The following APOD variants were observed in gnomAD, a reference collection of about 807,000 sequenced individuals.
The protein encoded by APOD is apo-D.
In APOD, 22 loss-of-function variants were observed where a neutral mutation model predicts 20.4. The observed-to-expected ratio is 1.08, with a 90% CI of 0.77 to 1.54. The LOEUF (loss-of-function observed/expected upper bound fraction) is 1.54. Among genes scored for constraint, APOD ranks in the 40% most tolerant of loss-of-function variants. APOD has a pLI of 0.00. For synonymous variants in APOD, 97 were observed against 92.4 expected (o/e 1.05, Z -0.29); for missense variants, 223 against 229.6 (o/e 0.97, Z 0.19).
At chr3:195,575,509 A>T (rs1414923604) in intron 2 of APOD, among the ~76,000 whole-genome samples, 1 of 152,206 alleles carries the variant, frequency 6.6e-6, no homozygotes, top group Non-Finnish European at 1.5e-5. Context: ...GGTTTTTACT[A>T]GTTGCTACTG....
Position 195,582,209 on chromosome 3 carries a change from A to T in APOD, c.-35+1669T>A, listed in dbSNP as rs73196175. Among the ~76,000 whole-genome samples, 825 of 152,182 alleles carry T rather than the reference A, an allele frequency of 5.4e-3. 6 individuals are homozygous for T. The highest frequency in any genetic ancestry group is 7.1e-3 in the Non-Finnish European group (482 of 68,002). ...AACTCCGTCTCAAAACAAGCAAACA[A>T]ACAACAACAACAAAAAAACTCCTTG... On this transcript the variant is annotated intron_variant, in intron 1 of 4. Transcript: ENST00000343267.
At chr3:195,571,613 C>T (rs1175317493) in intron 3 of APOD, among the ~76,000 whole-genome samples, 1 of 152,092 alleles carries the variant, frequency 6.6e-6, no homozygotes, top group African/African-American at 2.4e-5. Context: ...TAAGAAGCCG[C>T]AATTGACAAG....
intron 3 of APOD, among the ~76,000 whole-genome samples, chr3:195,571,595 C>T (rs957763074): frequency 2.6e-5 from 4 of 151,944 alleles, no homozygotes; most frequent in Admixed American, 6.6e-5. Context: ...AAGAGAGCAG[C>T]GGGGTGATAA....
intron 4 of APOD, among the ~76,000 whole-genome samples, chr3:195,569,849 G>A (rs1720130146): frequency 7.3e-6 from 1 of 136,688 alleles, no homozygotes; most frequent in Non-Finnish European, 1.5e-5. Flanking sequence ...GCCCAGGCTG[G>A]AGTGCAATGG....
intron 2 of APOD, among the ~76,000 whole-genome samples, chr3:195,578,384 C>T (rs559544428): frequency 6.6e-6 from 1 of 152,204 alleles, no homozygotes; most frequent in Admixed American, 6.5e-5. Flanking sequence ...TCAGAGGTCC[C>T]AACACTCATT....
In APOD at chr3:195,569,086, A is replaced by T. The variant is rs370590097; in HGVS notation, c.384T>A (p.Tyr128Ter). The stretch of plus-strand genomic sequence containing the variant: ...TGCAGGTACAGGAATACACGAGGGC[A>T]TAGTTCTCATAGTCGGTGGCCAGGA... ...YWILATDYEN[Y>*]ALVYSCTCII... The change falls in exon 5 of 5, where the codon TAT (tyrosine) becomes TAA (stop). Residue 128 changes from tyrosine to a stop codon, truncating the protein, a stop_gained. Transcript: ENST00000343267. LOFTEE classifies it high-confidence loss of function. 4 of 1,614,222 alleles carry T rather than the reference A, an allele frequency of 2.5e-6. No homozygotes were observed. In the Admixed American group the frequency reaches 6.7e-5, roughly 27 times the overall value.
chr3:195,577,512 C>T (rs1212209732), intron 2 of APOD, among the ~76,000 whole-genome samples: 5 of 152,074 alleles, frequency 3.3e-5, no homozygotes, highest in African/African-American at 9.7e-5. Flanking sequence ...GTAAGGGACA[C>T]GGAATAACCA....
intron 2 of APOD, among the ~76,000 whole-genome samples, chr3:195,574,339 C>G (rs1720216177): frequency 6.6e-6 from 1 of 152,230 alleles, no homozygotes; most frequent in Admixed American, 6.5e-5. Flanking sequence ...CTGTGGGGAG[C>G]TAGGACTCCA....
rs1022534023 is a variant in APOD, at chr3:195,583,889, A to C, written c.-46T>G. The C allele has an allele frequency of 6.6e-6, 1 of 152,198 alleles. No individual in the cohort carries two copies. The highest frequency in any genetic ancestry group is 1.5e-5 in the Non-Finnish European group (1 of 68,042). The allele number at this position is 152,198 out of a possible 1,614,324, so 9.4% of individuals were successfully genotyped here. ...ACTACAGTACATACCTTTTCTTTCAAGATGAAGGCAGTTTCCAGATGCAGA... is the reference window on the plus strand; with the variant it reads ...ACTACAGTACATACCTTTTCTTTCACGATGAAGGCAGTTTCCAGATGCAGA... On this transcript the variant is annotated 5_prime_UTR_variant, in exon 1 of 5. Transcript: ENST00000343267.
Position 195,568,966 on chromosome 3 carries a change from A to T in APOD, c.504T>A (p.Thr168=). 6.2e-7 allele frequency: 1 copy of T among 1,614,136 alleles called. No homozygotes were observed. Among genetic ancestry groups the T allele is most frequent in the Non-Finnish European group, 8.5e-7 (1 of 1,180,010 alleles). Residue 168 remains threonine (T), a synonymous_variant, in exon 5 of 5, where the codon ACT becomes ACA. Transcript: ENST00000343267. Reference sequence around the variant, plus strand: ...TTTTCTTGACATCAATGTTATTAGAAGTCAGGATATTTTTTAGAGAGTCCA... The same window carrying T: ...TTTTCTTGACATCAATGTTATTAGATGTCAGGATATTTTTTAGAGAGTCCA... ...ETVDSLKNIL[T]SNNIDVKKMT...
chr3:195,572,741 G>A (rs940994382), intron 3 of APOD, among the ~76,000 whole-genome samples: 2 of 152,146 alleles, frequency 1.3e-5, no homozygotes, highest in Admixed American at 6.5e-5. Flanking sequence ...GCCGGGCGTG[G>A]TGGCTCACGC....
Position 195,569,116 on chromosome 3 carries a change from G to A in APOD, c.354C>T (p.Tyr118=). The A allele has an allele frequency of 6.2e-7, 1 of 1,614,128 alleles. No homozygotes were observed. The highest frequency in any genetic ancestry group is 2.2e-5 in the East Asian group (1 of 44,886). Residue 118 remains tyrosine (Y), a synonymous_variant, in exon 5 of 5, where the codon TAC becomes TAT. Coordinates refer to ENST00000343267, the MANE Select transcript of APOD (RefSeq NM_001647.4). ...TCTCATAGTCGGTGGCCAGGATCCA[G>A]TACGGTGCCGATGGCATAACTGAGA... ...KFSWFMPSAP[Y]WILATDYENY...
Position 195,573,876 on chromosome 3 carries a change from C to T in APOD, c.219G>A (p.Lys73=), listed in dbSNP as rs1344450082. 1 of 1,614,190 alleles carries T rather than the reference C, an allele frequency of 6.2e-7. No homozygotes were observed. Among genetic ancestry groups the T allele is most frequent in the Non-Finnish European group, 8.5e-7 (1 of 1,180,022 alleles). The change falls in exon 3 of 5, where the codon AAG becomes AAA. Residue 73 remains lysine (K), a synonymous_variant. Coordinates refer to ENST00000343267, the MANE Select transcript of APOD (RefSeq NM_001647.4). Reference sequence around the variant, plus strand: ...TCAACTCCTGGTTTAACACTTTGATCTTTCCGTTTTCCATTAGTGAGTAGT... The same window carrying T: ...TCAACTCCTGGTTTAACACTTTGATTTTTCCGTTTTCCATTAGTGAGTAGT... ...QANYSLMENG[K]IKVLNQELRA...
intron 2 of APOD, among the ~76,000 whole-genome samples, chr3:195,574,986 A>T: frequency 6.6e-6 from 1 of 152,260 alleles, no homozygotes; most frequent in East Asian, 1.9e-4. Flanking sequence ...CACAAGCTTC[A>T]AACAGCACAG....
Position 195,569,047 on chromosome 3 carries a change from A to C in APOD, c.423T>G (p.Phe141Leu). The stretch of plus-strand genomic sequence containing the variant: ...CCAAGATCCAAGCAAAATCCACGTG[A>C]AAAAGTTGGATGATGCAGGTACAGG... ...VYSCTCIIQL[F>L]HVDFAWILAR... The change falls in exon 5 of 5, where the codon TTT (phenylalanine) becomes TTG (leucine). Residue 141 changes from phenylalanine (F) to leucine (L), a missense_variant. By Grantham distance (22) the Phe-to-Leu change is conservative. Transcript: ENST00000343267. 6.2e-7 allele frequency: 1 copy of C among 1,614,158 alleles called. No homozygotes were observed. The highest frequency in any genetic ancestry group is 1.6e-4 in the Middle Eastern group (1 of 6,062).
In APOD at chr3:195,568,793, G is replaced by T; in HGVS notation, c.*107C>A. 1.3e-6 allele frequency: 1 copy of T among 783,932 alleles called. No individual in the cohort carries two copies. The highest frequency in any genetic ancestry group is 2.1e-6 in the Non-Finnish European group (1 of 466,504). The allele number at this position is 783,932 out of a possible 1,614,324, so 48.6% of individuals were successfully genotyped here. On this transcript the variant is annotated 3_prime_UTR_variant, in exon 5 of 5. Transcript: ENST00000343267. ...GGGTAGGGCATGGTTACATGTTCAG[G>T]TCAACTTCCTTTGTCGTGGTTGATT...
At position 195,569,797 on chromosome 3, in the gene APOD, T is replaced by G. The variant is rs556428102; in HGVS notation, c.335-662A>C. Reference sequence around the variant, plus strand: ...CCTTCTTCTTCTTCGTTTTTTTTTTTTTTTTTTTTTTTTTTTTTTGAGATG... The same window carrying G: ...CCTTCTTCTTCTTCGTTTTTTTTTTGTTTTTTTTTTTTTTTTTTTGAGATG... On this transcript the variant is annotated intron_variant, in intron 4 of 4. Coordinates refer to ENST00000343267, the MANE Select transcript of APOD (RefSeq NM_001647.4). Among the ~76,000 whole-genome samples, 34 of 128,512 alleles carry G rather than the reference T, an allele frequency of 2.6e-4. No individual in the cohort carries two copies. In the South Asian group the frequency reaches 3.1e-3, roughly 12 times the overall value. 84.3% of individuals were successfully genotyped at this position (128,512 alleles called of 152,430 possible).
intron 4 of APOD, among the ~76,000 whole-genome samples, chr3:195,569,713 T>A (rs1720124555): frequency 1.3e-5 from 2 of 151,418 alleles, no homozygotes; most frequent in Non-Finnish European, 2.9e-5. Context: ...TTCAAGGCCC[T>A]TCCTAACCTC....
chr3:195,568,822 TTG>T lies in APOD; in HGVS notation c.*76_*77del. 2 of 873,148 alleles carry T rather than the reference TTG, an allele frequency of 2.3e-6. No individual in the cohort carries two copies. Among genetic ancestry groups the T allele is most frequent in the Non-Finnish European group, 3.5e-6 (2 of 564,446 alleles). 54.1% of individuals were successfully genotyped at this position (873,148 alleles called of 1,614,324 possible). ...ACTTCCTTTGTCGTGGTTGATTGGT[TTG>T]TCTTTATGGGGGGGGGGTAGGGGAA... is the stretch of plus-strand genomic sequence containing the variant. On this transcript the variant is annotated 3_prime_UTR_variant, in exon 5 of 5. Transcript: ENST00000343267.
Sources: allele counts gnomAD v4.1 joint callset (sites outside exome capture counted in the v4.1 genomes callset), GRCh38; gene constraint gnomAD v4.1.1; transcripts MANE v1.5; gene names NCBI Gene and HGNC (gene_info 2026-07-23, HGNC 2026-07-21).